The following DNAJC21 variants were observed in gnomAD, a reference collection of about 807,000 sequenced individuals.
DNAJC21 encodes the protein dnaJ homolog subfamily C member 21.
DNAJC21 carries 63 observed loss-of-function variants against 72.4 expected under a neutral mutation model. The ratio of observed to expected loss-of-function variants is 0.87; its 90% CI spans 0.71 to 1.07. The LOEUF (loss-of-function observed/expected upper bound fraction) is 1.07. Ranked by LOEUF, DNAJC21 falls within the 50% of genes least tolerant of loss-of-function variation. DNAJC21 has a pLI of 0.00. For missense variants in DNAJC21, 634 were observed against 644.8 expected (o/e 0.98, Z 0.18); for synonymous variants, 203 against 216.7 (o/e 0.94, Z 0.56).
In DNAJC21 at chr5:34,944,879, C is replaced by G; in HGVS notation, c.996C>G (p.His332Gln). Residue 332 changes from histidine (H) to glutamine (Q), a missense_variant, in exon 8 of 12, where the codon CAC becomes CAG. Physicochemically the swap from His to Gln is conservative, Grantham distance 24 (BLOSUM62 0). Coordinates refer to ENST00000648817, the MANE Select transcript of DNAJC21 (RefSeq NM_001012339.3). ...SFKTEKAMKN[H>Q]EKSKKHREMV... is the part of the protein sequence containing the mutation. ...ATTGCTCTTTCAGCATGAAGAATCA[C>G]GAGAAGTCAAAGAAGCATCGGGAAA... The G allele has an allele frequency of 6.2e-7, 1 of 1,613,956 alleles. No homozygotes were observed. The highest frequency in any genetic ancestry group is 2.2e-5 in the East Asian group (1 of 44,872).
At chr5:34,951,119 A>G (rs1040264045) in intron 10 of DNAJC21, 21 of 985,382 alleles carry the variant, frequency 2.1e-5, no homozygotes, top group Non-Finnish European at 2.4e-5. Context: ...GGCACTTAGT[A>G]GTAGGAAGGA....
chr5:34,942,973 C>A (rs1291884964), intron 7 of DNAJC21, among the ~76,000 whole-genome samples: 1 of 152,020 alleles, frequency 6.6e-6, no homozygotes, highest in Non-Finnish European at 1.5e-5. Flanking sequence ...GAGGCTGAGG[C>A]AGGAGAATCG....
At position 34,932,293 on chromosome 5, in the gene DNAJC21, C is replaced by T. The variant is rs552047990; in HGVS notation, c.98-1522C>T. On this transcript the variant is annotated intron_variant, in intron 1 of 11. Coordinates refer to ENST00000648817, the MANE Select transcript of DNAJC21 (RefSeq NM_001012339.3). ...AAAATTAGCTGGGCGTGGTGGCGCA[C>T]GCCTGTGGTCCCAGCCACTTGGGAG... is the stretch of plus-strand genomic sequence containing the variant. 5.9e-5 allele frequency among the ~76,000 whole-genome samples: 9 copies of T among 152,024 alleles called. No homozygotes were observed. The East Asian group carries it at 1.4e-3, about 23-fold the overall frequency.
At chr5:34,952,850 G>A (rs559539734) in intron 10 of DNAJC21, 4 of 152,156 alleles carry the variant, frequency 2.6e-5, no homozygotes, top group East Asian at 3.9e-4. Context: ...ACTGGATCAC[G>A]TCCAAGAAGT....
chr5:34,950,201 C>T lies in DNAJC21; in HGVS notation c.1217C>T (p.Pro406Leu), dbSNP rs1163151351. ...NYDDNFNVNG[P>L]GEGVKVDPED... ...GATGACAATTTCAATGTAAATGGAC[C>T]TGGAGAAGGAGTAAAGGTTGATCCA... The change falls in exon 10 of 12, where the codon CCT becomes CTT. Residue 406 changes from proline (P) to leucine (L), a missense_variant. Coordinates refer to ENST00000648817, the MANE Select transcript of DNAJC21 (RefSeq NM_001012339.3). 1.2e-6 allele frequency: 2 copies of T among 1,608,924 alleles called. No individual in the cohort carries two copies. Among genetic ancestry groups the T allele is most frequent in the Middle Eastern group, 1.7e-4 (1 of 6,034 alleles).
At position 34,957,847 on chromosome 5, in the gene DNAJC21, A is replaced by G. The variant is rs911280813; in HGVS notation, c.*3133A>G. ...TAAACTTTTTTATGAATTCCTAAAC[A>G]TTACCATTTATGTGGCAGAAGTTCT... On this transcript the variant is annotated 3_prime_UTR_variant, in exon 12 of 12. Transcript: ENST00000648817. 5.3e-5 allele frequency: 8 copies of G among 152,340 alleles called. No homozygotes were observed. Among genetic ancestry groups the G allele is most frequent in the East Asian group, 3.9e-4 (2 of 5,186 alleles). 9.4% of individuals were successfully genotyped at this position (152,340 alleles called of 1,614,324 possible). A position where few individuals can be genotyped will look rare whatever the true frequency, so the allele number is the denominator to read the frequency against.
At chr5:34,945,704 TC>T in intron 8 of DNAJC21, 56 bp from the exon 9 acceptor site, 3 of 1,479,216 alleles carry the variant, frequency 2.0e-6, no homozygotes, top group Admixed American at 2.5e-5. Flanking sequence ...TTTTTTTTTT[TC>T]CACTTACTCT....
At position 34,956,132 on chromosome 5, in the gene DNAJC21, T is replaced by C. The variant is rs544697327; in HGVS notation, c.*1418T>C. 6 of 152,536 alleles carry C rather than the reference T, an allele frequency of 3.9e-5. No homozygotes were observed. In the East Asian group the frequency reaches 9.7e-4, roughly 25 times the overall value. The allele number at this position is 152,536 out of a possible 1,614,324, so 9.4% of individuals were successfully genotyped here. A position where few individuals can be genotyped will look rare whatever the true frequency, so the allele number is the denominator to read the frequency against. On this transcript the variant is annotated 3_prime_UTR_variant, in exon 12 of 12. Coordinates refer to ENST00000648817, the MANE Select transcript of DNAJC21 (RefSeq NM_001012339.3). The stretch of plus-strand genomic sequence containing the variant: ...GTGTGCTTTCTGTACAATGAAGTTA[T>C]TGCTTTCCATATATCCTTGAATCTT...
rs765344696 is a variant in DNAJC21 at position 34,937,588 on chromosome 5, A to G, written c.701A>G (p.Lys234Arg). 1.2e-6 allele frequency: 2 copies of G among 1,613,772 alleles called. No homozygotes were observed. Among genetic ancestry groups the G allele is most frequent in the South Asian group, 2.2e-5 (2 of 91,060 alleles). Residue 234 changes from lysine to arginine, a missense_variant, in exon 5 of 12, where the codon AAA becomes AGA. Physicochemically the swap from Lys to Arg is conservative, Grantham distance 26 (BLOSUM62 2). Coordinates refer to ENST00000648817, the MANE Select transcript of DNAJC21 (RefSeq NM_001012339.3). ...GAACAGAATGCAGAGAAGGCGAGGA[A>G]AGCCGAAGAGATGAGGCGGCAGCAG... ...VEEQNAEKAR[K>R]AEEMRRQQKL...
At chr5:34,932,956 G>C (rs1306418178) in intron 1 of DNAJC21, among the ~76,000 whole-genome samples, 1 of 152,266 alleles carries the variant, frequency 6.6e-6, no homozygotes, top group Non-Finnish European at 1.5e-5. Context: ...AGAAGGGACT[G>C]CACAAGGTGT....
intron 1 of DNAJC21, 152 bp from the exon 2 acceptor site, chr5:34,933,663 A>T: frequency 1.8e-6 from 1 of 562,988 alleles, no homozygotes; most frequent in East Asian, 3.1e-5. Context: ...AATCCTGATT[A>T]TTGACTGTTA....
Position 34,954,689 on chromosome 5 carries a change from A to G in DNAJC21, c.1571A>G (p.Lys524Arg). The G allele has an allele frequency of 6.2e-7, 1 of 1,609,482 alleles. No individual in the cohort carries two copies. Among genetic ancestry groups the G allele is most frequent in the Non-Finnish European group, 8.5e-7 (1 of 1,178,312 alleles). ...AACAGCGCAACAAGTAGTCAAAGCA[A>G]GAAAGAGAAACGTAAAAACAGATAG... ...SLNSATSSQSKKEKRKNR is the reference protein window; with the variant it reads ...SLNSATSSQSRKEKRKNR The change falls in exon 12 of 12, where the codon AAG becomes AGG. Residue 524 changes from lysine (K) to arginine (R), a missense_variant. Transcript: ENST00000648817.
intron 9 of DNAJC21, among the ~76,000 whole-genome samples, chr5:34,946,513 G>C (rs539328657): frequency 6.6e-6 from 1 of 151,972 alleles, no homozygotes; most frequent in Non-Finnish European, 1.5e-5. Flanking sequence ...TTCAGATTTG[G>C]TTTATTTATC....
Position 34,954,825 on chromosome 5 carries a change from G to T in DNAJC21, c.*111G>T. 1.0e-5 allele frequency: 12 copies of T among 1,182,848 alleles called. No homozygotes were observed. The highest frequency in any genetic ancestry group is 7.2e-5 in the South Asian group (3 of 41,486). The allele number at this position is 1,182,848 out of a possible 1,614,324, so 73.3% of individuals were successfully genotyped here. Reference sequence around the variant, plus strand: ...AGTGATCTGCAATTAATTACATTGTGGAAGATTATTTTTTATCTTGTAAAA... The same window carrying T: ...AGTGATCTGCAATTAATTACATTGTTGAAGATTATTTTTTATCTTGTAAAA... On this transcript the variant is annotated 3_prime_UTR_variant, in exon 12 of 12. Coordinates refer to ENST00000648817, the MANE Select transcript of DNAJC21 (RefSeq NM_001012339.3).
intron 9 of DNAJC21, among the ~76,000 whole-genome samples, chr5:34,948,721 C>T (rs1013786684): frequency 4.6e-5 from 7 of 152,050 alleles, no homozygotes; most frequent in East Asian, 3.9e-4. Context: ...AAAAATTAGC[C>T]GGGCGTGGTG....
intron 6 of DNAJC21, among the ~76,000 whole-genome samples, chr5:34,940,889 G>T (rs1457172920): frequency 6.6e-6 from 1 of 152,162 alleles, no homozygotes; most frequent in Non-Finnish European, 1.5e-5. Context: ...CTTCTAAGTA[G>T]ACTTAGGAAA....
chr5:34,948,463 G>A (rs1209739422), intron 9 of DNAJC21, among the ~76,000 whole-genome samples: 2 of 152,176 alleles, frequency 1.3e-5, no homozygotes, highest in Non-Finnish European at 2.9e-5. Flanking sequence ...TCCAGCTTGC[G>A]GGGCCTGCCA....
intron 9 of DNAJC21, among the ~76,000 whole-genome samples, chr5:34,947,832 A>G (rs751722082): frequency 1.3e-5 from 2 of 151,866 alleles, no homozygotes; most frequent in Non-Finnish European, 2.9e-5. Context: ...GTAGCTTTTA[A>G]TATGTTTTGA....
intron 11 of DNAJC21, chr5:34,954,311 CT>C: frequency 2.0e-6 from 1 of 491,374 alleles, no homozygotes; most frequent in Non-Finnish European, 3.5e-6. Flanking sequence ...AACTCTTCCT[CT>C]TTTTTAGTCC....
Sources: allele counts gnomAD v4.1 joint callset (sites outside exome capture counted in the v4.1 genomes callset), GRCh38; gene constraint gnomAD v4.1.1; transcripts MANE v1.5; gene names NCBI Gene and HGNC (gene_info 2026-07-23, HGNC 2026-07-21).